The following MEI4 variants were observed in gnomAD, a reference collection of about 807,000 sequenced individuals.
The protein encoded by MEI4 is meiotic double-stranded break formation protein 4, also known as meiosis-specific protein MEI4.
A neutral mutation model predicts 31.4 loss-of-function variants in MEI4; 27 were observed. The observed-to-expected ratio is 0.86, with a 90% CI of 0.63 to 1.19. MEI4 has a LOEUF of 1.19. Among genes scored for constraint, MEI4 ranks in the 50% most tolerant of loss-of-function variants. The pLI is 0.00. For synonymous variants in MEI4, 122 were observed against 145.4 expected (o/e 0.84, Z 1.16); for missense variants, 329 against 398.9 (o/e 0.82, Z 1.49).
At chr6:77,808,073 C>A (rs1769484054) in intron 3 of MEI4, among the ~76,000 whole-genome samples, 1 of 152,118 alleles carries the variant, frequency 6.6e-6, no homozygotes, top group Admixed American at 6.6e-5. Flanking sequence ...TCTGTGATTG[C>A]CTGGGCCAGT....
chr6:77,711,521 A>G (rs1278658731), intron 2 of MEI4, among the ~76,000 whole-genome samples: 1 of 152,114 alleles, frequency 6.6e-6, no homozygotes, highest in Non-Finnish European at 1.5e-5. Flanking sequence ...ATATTTTCCT[A>G]CATGAATCTC....
chr6:77,741,716 C>T (rs1767408793), intron 2 of MEI4, among the ~76,000 whole-genome samples: 1 of 150,390 alleles, frequency 6.6e-6, no homozygotes, highest in Admixed American at 6.6e-5. Context: ...TGTGCTGCAC[C>T]CATTAACTCG....
At chr6:77,662,142 C>G (rs1163550192) in intron 1 of MEI4, among the ~76,000 whole-genome samples, 1 of 152,106 alleles carries the variant, frequency 6.6e-6, no homozygotes, top group Non-Finnish European at 1.5e-5. Context: ...ACGCGTAGTC[C>G]TTTTGCAAGA....
At chr6:77,650,733 T>C (rs1768285406), upstream of MEI4, among the ~76,000 whole-genome samples, 1 of 152,244 alleles carries the variant, frequency 6.6e-6, no homozygotes, top group South Asian at 2.1e-4. Context: ...CGCACACGTT[T>C]GGACGTTTCT....
intron 4 of MEI4, among the ~76,000 whole-genome samples, chr6:77,869,210 T>C (rs761833049): frequency 1.5e-4 from 23 of 152,108 alleles, no homozygotes; most frequent in Non-Finnish European, 2.5e-4. Context: ...TAATAAGTGC[T>C]ACAAAGGAAA....
At chr6:77,805,686 C>G (rs377662720) in intron 3 of MEI4, among the ~76,000 whole-genome samples, 1 of 151,868 alleles carries the variant, frequency 6.6e-6, no homozygotes, top group Admixed American at 6.6e-5. Context: ...AGGATTATTG[C>G]TTCAAGGAAA....
intron 3 of MEI4, among the ~76,000 whole-genome samples, chr6:77,823,894 G>GGTAA (rs151265682): frequency 0.15 from 22,512 of 151,990 alleles, 1,982 homozygotes; most frequent in East Asian, 0.39. Context: ...TGCTTACAGT[G>GGTAA]CTGGCCTGTT....
At chr6:77,860,313 G>A (rs1455255842) in intron 4 of MEI4, among the ~76,000 whole-genome samples, 10 of 152,120 alleles carry the variant, frequency 6.6e-5, no homozygotes, top group Non-Finnish European at 1.5e-4. Flanking sequence ...CAGCTGCTAG[G>A]TGCACCTAAA....
chr6:77,749,115 G>A (rs7751087), intron 2 of MEI4, among the ~76,000 whole-genome samples: 3,453 of 152,202 alleles, frequency 0.023, 133 homozygotes, highest in African/African-American at 0.078. Context: ...CCAGCAGAAG[G>A]TCAGTGACTT....
chr6:77,699,481 C>A (rs541524616), intron 2 of MEI4, among the ~76,000 whole-genome samples: 1 of 152,126 alleles, frequency 6.6e-6, no homozygotes, highest in South Asian at 2.1e-4. Context: ...CGTGAGCCAC[C>A]GCGCCCGGCC....
intron 4 of MEI4, among the ~76,000 whole-genome samples, chr6:77,888,010 T>C (rs1771665456): frequency 6.6e-6 from 1 of 152,226 alleles, no homozygotes; most frequent in Admixed American, 6.5e-5. Flanking sequence ...CCTTTATCAT[T>C]ATATAATTAC....
At chr6:77,745,667 A>G (rs1767577516) in intron 2 of MEI4, among the ~76,000 whole-genome samples, 1 of 152,096 alleles carries the variant, frequency 6.6e-6, no homozygotes, top group Non-Finnish European at 1.5e-5. Flanking sequence ...CAGAATATAC[A>G]TTTTTTTCAG....
intron 3 of MEI4, among the ~76,000 whole-genome samples, chr6:77,807,796 A>G (rs546385413): frequency 1.9e-4 from 29 of 152,252 alleles, no homozygotes; most frequent in South Asian, 4.1e-4. Context: ...ATGGTCATGC[A>G]TTTTGAAAAT....
chr6:77,791,793 A>G (rs1312422928), intron 3 of MEI4, among the ~76,000 whole-genome samples: 1 of 152,130 alleles, frequency 6.6e-6, no homozygotes, highest in Non-Finnish European at 1.5e-5. Flanking sequence ...CTTAAAATCT[A>G]ATCTCTAGTA....
At chr6:77,695,357 G>GT (rs559792769) in intron 2 of MEI4, among the ~76,000 whole-genome samples, 20,934 of 152,088 alleles carry the variant, frequency 0.14, 1,515 homozygotes, top group Middle Eastern at 0.21. Flanking sequence ...GTCCTGAATG[G>GT]TATTGCCTAG....
At chr6:77,706,335 A>G (rs1449334898) in intron 2 of MEI4, among the ~76,000 whole-genome samples, 1 of 152,180 alleles carries the variant, frequency 6.6e-6, no homozygotes, top group Non-Finnish European at 1.5e-5. Context: ...CAGAGAGGCC[A>G]GGAAAAATCC....
chr6:77,898,128 C>A (rs1327512913), intron 4 of MEI4, among the ~76,000 whole-genome samples: 1 of 151,936 alleles, frequency 6.6e-6, no homozygotes, highest in African/African-American at 2.4e-5. Context: ...GCATTGGGCT[C>A]CTAGCTAAGC....
intron 2 of MEI4, among the ~76,000 whole-genome samples, chr6:77,697,203 T>G (rs1182119636): frequency 6.6e-6 from 1 of 152,300 alleles, no homozygotes; most frequent in Non-Finnish European, 1.5e-5. Flanking sequence ...TTTGTTGATC[T>G]TTTCAAAAAA....
At chr6:77,908,868 C>CA (rs1766362904) in intron 4 of MEI4, among the ~76,000 whole-genome samples, 1 of 151,974 alleles carries the variant, frequency 6.6e-6, no homozygotes, top group Non-Finnish European at 1.5e-5. Context: ...TAGATACCTA[C>CA]AAAGAGAGAG....
Sources: gnomAD v4.1 joint callset for allele counts (sites outside exome capture counted in the v4.1 genomes callset) on GRCh38, gnomAD v4.1.1 for gene constraint, MANE v1.5 for transcripts, NCBI Gene and HGNC (gene_info 2026-07-23, HGNC 2026-07-21) for gene names.